Variants in NT5DC1 observed in about 807,000 individuals in gnomAD.
NT5DC1 encodes the protein 5'-nucleotidase domain containing 1.
In NT5DC1, 42 loss-of-function variants were observed where a neutral mutation model predicts 59.4. That is an observed-to-expected ratio of 0.71 (90% CI 0.55 to 0.92). The LOEUF (loss-of-function observed/expected upper bound fraction) is 0.92, where lower values mean the gene tolerates loss of function less well. NT5DC1 is among the 40% of genes least tolerant of loss of function. The pLI, the probability that NT5DC1 is intolerant of heterozygous loss-of-function variation, is 0.00. For synonymous variants in NT5DC1, 172 were observed against 188.1 expected (o/e 0.91, Z 0.70); for missense variants, 501 against 537.1 (o/e 0.93, Z 0.66).
At chr6:116,143,283 T>C (rs944915305) in intron 6 of NT5DC1, among the ~76,000 whole-genome samples, 1 of 152,166 alleles carries the variant, frequency 6.6e-6, no homozygotes, top group Admixed American at 6.5e-5. Flanking sequence ...CGATTTTGGC[T>C]CATTGCAACC....
chr6:116,185,790 G>C (rs1404070805), intron 6 of NT5DC1, among the ~76,000 whole-genome samples: 1 of 152,040 alleles, frequency 6.6e-6, no homozygotes, highest in African/African-American at 2.4e-5. Context: ...GAAGACAGCA[G>C]ATACTTGGTT....
chr6:116,234,836 G>C (rs531792807), intron 8 of NT5DC1, among the ~76,000 whole-genome samples: 1 of 152,104 alleles, frequency 6.6e-6, no homozygotes, highest in Non-Finnish European at 1.5e-5. Flanking sequence ...TTCACAGTCC[G>C]AACAGGCTCT....
intron 6 of NT5DC1, among the ~76,000 whole-genome samples, chr6:116,128,907 A>C (rs1338768324): frequency 6.6e-6 from 1 of 152,094 alleles, no homozygotes; most frequent in African/African-American, 2.4e-5. Context: ...ATTTGTGTTC[A>C]TATGCTTTTT....
chr6:116,125,413 A>G lies in NT5DC1; in HGVS notation c.529+7468A>G, dbSNP rs1064583. ...TAGTGGGCCTTTTATGCCTGTGGGC[A>G]TTTGGTATCGTTCAGCGTAAAACAC... On this transcript the variant is annotated intron_variant, in intron 6 of 11. Coordinates refer to ENST00000319550, the MANE Select transcript of NT5DC1 (RefSeq NM_152729.3). 0.4 allele frequency: 641,755 copies of G among 1,613,516 alleles called. 133,812 individuals are homozygous for G. The highest frequency in any genetic ancestry group is 0.72 in the African/African-American group (53,841 of 74,924).
chr6:116,151,774 A>G (rs1780046612), intron 6 of NT5DC1, among the ~76,000 whole-genome samples: 1 of 152,200 alleles, frequency 6.6e-6, no homozygotes, highest in Non-Finnish European at 1.5e-5. Flanking sequence ...CTACCACAGC[A>G]AATAAACTTT....
chr6:116,177,071 T>C (rs1003498520), intron 6 of NT5DC1, among the ~76,000 whole-genome samples: 1 of 152,188 alleles, frequency 6.6e-6, no homozygotes, highest in Non-Finnish European at 1.5e-5. Flanking sequence ...ATTTATAGTA[T>C]AGTTTCTGTT....
At chr6:116,212,660 T>TCCAC in intron 6 of NT5DC1, among the ~76,000 whole-genome samples, 1 of 152,200 alleles carries the variant, frequency 6.6e-6, no homozygotes, top group African/African-American at 2.4e-5. Flanking sequence ...TTAAGAAAAA[T>TCCAC]CCAAAGTTTT....
chr6:116,193,873 C>G (rs936781638), intron 6 of NT5DC1, among the ~76,000 whole-genome samples: 2 of 151,872 alleles, frequency 1.3e-5, no homozygotes, highest in African/African-American at 4.8e-5. Context: ...TTGTTCGAAA[C>G]CAGCCTAGGC....
intron 6 of NT5DC1, among the ~76,000 whole-genome samples, chr6:116,199,101 A>G (rs1781292865): frequency 6.6e-6 from 1 of 152,026 alleles, no homozygotes; most frequent in Non-Finnish European, 1.5e-5. Context: ...AGAAATTGCC[A>G]AATGTCCCTG....
intron 6 of NT5DC1, among the ~76,000 whole-genome samples, chr6:116,133,444 C>T (rs2114337766): frequency 6.6e-6 from 1 of 152,284 alleles, no homozygotes; most frequent in Non-Finnish European, 1.5e-5. Context: ...AACAACTCCA[C>T]AGTCACCATC....
chr6:116,145,493 T>C (rs544611938), intron 6 of NT5DC1: 1 of 370,202 alleles, frequency 2.7e-6, no homozygotes, highest in Admixed American at 2.4e-5. Flanking sequence ...TCATACTTAT[T>C]TAAGAGATTA....
chr6:116,182,480 T>G (rs1780905038), intron 6 of NT5DC1, among the ~76,000 whole-genome samples: 1 of 152,158 alleles, frequency 6.6e-6, no homozygotes, highest in Non-Finnish European at 1.5e-5. Flanking sequence ...CCATAGTGGT[T>G]GTACTAGTTT....
chr6:116,110,680 C>T, intron 3 of NT5DC1, 170 bp from the exon 4 acceptor site: 1 of 692,368 alleles, frequency 1.4e-6, no homozygotes, highest in Admixed American at 2.0e-5. Context: ...TACAGCTGCC[C>T]ACAGAAATGC....
intron 6 of NT5DC1, among the ~76,000 whole-genome samples, chr6:116,165,180 T>C (rs1780435324): frequency 6.6e-6 from 1 of 152,154 alleles, no homozygotes; most frequent in Non-Finnish European, 1.5e-5. Flanking sequence ...TCTTCTGGCT[T>C]GTCAGTTTCT....
At chr6:116,176,315 C>T (rs1780733515) in intron 6 of NT5DC1, among the ~76,000 whole-genome samples, 1 of 152,132 alleles carries the variant, frequency 6.6e-6, no homozygotes, top group Non-Finnish European at 1.5e-5. Flanking sequence ...CTTGCTCTTC[C>T]CCTAGCAGAA....
chr6:116,209,611 G>T (rs779834781), intron 6 of NT5DC1, among the ~76,000 whole-genome samples: 1 of 151,914 alleles, frequency 6.6e-6, no homozygotes, highest in African/African-American at 2.4e-5. Flanking sequence ...AGCTTCCAAG[G>T]TTCACCAGGC....
At chr6:116,207,683 T>C (rs1455467181) in intron 6 of NT5DC1, among the ~76,000 whole-genome samples, 4 of 151,856 alleles carry the variant, frequency 2.6e-5, no homozygotes, top group Non-Finnish European at 4.4e-5. Flanking sequence ...GGAATTTAGA[T>C]GGTTAAAAGC....
intron 6 of NT5DC1, among the ~76,000 whole-genome samples, chr6:116,212,161 A>G (rs920577749): frequency 1.2e-4 from 19 of 152,236 alleles, no homozygotes; most frequent in African/African-American, 4.3e-4. Context: ...AACAATTATC[A>G]GAGTTAAAAT....
At chr6:116,124,332 A>G (rs1028108373) in intron 6 of NT5DC1, among the ~76,000 whole-genome samples, 3 of 152,148 alleles carry the variant, frequency 2.0e-5, no homozygotes, top group Non-Finnish European at 4.4e-5. Context: ...CAGTCAGTTT[A>G]TATTATTCTG....
Sources: allele counts gnomAD v4.1 joint callset (sites outside exome capture counted in the v4.1 genomes callset), GRCh38; gene constraint gnomAD v4.1.1; transcripts MANE v1.5; gene names NCBI Gene and HGNC (gene_info 2026-07-23, HGNC 2026-07-21).